HNRNPUL2: variants seen among roughly 807,000 people sequenced by gnomAD.
HNRNPUL2 encodes the protein heterogeneous nuclear ribonucleoprotein U like 2.
A neutral mutation model predicts 102.2 loss-of-function variants in HNRNPUL2; 27 were observed. The ratio of observed to expected loss-of-function variants is 0.26; its 90% CI spans 0.19 to 0.36. HNRNPUL2 has a LOEUF of 0.36. Among genes scored for constraint, HNRNPUL2 ranks in the 10% least tolerant of loss-of-function variants. The probability of loss-of-function intolerance (pLI) is 1.00; values close to 1 mark genes in which losing one functional copy is unlikely to be tolerated. For synonymous variants in HNRNPUL2, 458 were observed against 387.2 expected, an observed-to-expected ratio of 1.18 and a Z score of -2.15; for missense variants, 936 against 981.1, an observed-to-expected ratio of 0.95 and a Z score of 0.61.
chr11:62,722,421 G>T (rs746537734), intron 6 of HNRNPUL2, 41 bp from the exon 7 acceptor site: 3 of 1,594,762 alleles, frequency 1.9e-6, no homozygotes, highest in Non-Finnish European at 2.6e-6. Context: ...GGCTGACGAG[G>T]CTTTGGGTTG....
chr11:62,717,340 T>A (rs1004984445), intron 10 of HNRNPUL2, 151 bp from the exon 11 acceptor site: 1 of 627,244 alleles, frequency 1.6e-6, no homozygotes, highest in African/African-American at 1.8e-5. Flanking sequence ...CGCATCTAAA[T>A]AATGACATTA....
chr11:62,721,990 T>G, intron 7 of HNRNPUL2, 48 bp from the exon 8 acceptor site: 1 of 1,610,908 alleles, frequency 6.2e-7, no homozygotes, highest in Non-Finnish European at 8.5e-7. Flanking sequence ...ATGAGGGTCA[T>G]GTTTATCAAA....
rs989458289 is a variant in HNRNPUL2 at position 62,712,908 on chromosome 11, C to T, written c.*2391G>A. ...ACGTCTGATAAAACACTAAACAAGT[C>T]TTCTAAGGAAAACAAGGCTAGGGAT... On this transcript the variant is annotated 3_prime_UTR_variant, in exon 14 of 14. Coordinates refer to ENST00000301785, the MANE Select transcript of HNRNPUL2 (RefSeq NM_001079559.3). 1 of 152,146 alleles carries T rather than the reference C, an allele frequency of 6.6e-6. No homozygotes were observed. The highest frequency in any genetic ancestry group is 1.5e-5 in the Non-Finnish European group (1 of 68,032). 9.4% of individuals were successfully genotyped at this position (152,146 alleles called of 1,614,324 possible).
chr11:62,723,987 T>C lies in HNRNPUL2; in HGVS notation c.678A>G (p.Ser226=), dbSNP rs559313897. 107 of 1,612,836 alleles carry C rather than the reference T, an allele frequency of 6.6e-5. No individual in the cohort carries two copies. In the South Asian group the frequency reaches 1.1e-3, roughly 16 times the overall value. The change falls in exon 3 of 14, where the codon TCA becomes TCG. Residue 226 remains serine, a synonymous_variant. Coordinates refer to ENST00000301785, the MANE Select transcript of HNRNPUL2 (RefSeq NM_001079559.3). ...CTTCTTCAGGAGGCAGTGGAGACTT[T>C]GAGCTATATATGTAAGATAGAAAAG... ...EFREEAYHSR[S]KSPLPPEEEA... is the part of the protein sequence containing the mutation.
chr11:62,718,863 T>A (rs1341257244), intron 10 of HNRNPUL2, among the ~76,000 whole-genome samples: 1 of 151,882 alleles, frequency 6.6e-6, no homozygotes, highest in Non-Finnish European at 1.5e-5. Flanking sequence ...TCTCACTCTG[T>A]TGTCCAGGCT....
At chr11:62,718,694 TAAAAAAAAA>T (rs11456076) in intron 10 of HNRNPUL2, among the ~76,000 whole-genome samples, 156 of 119,582 alleles carry the variant, frequency 1.3e-3, no homozygotes, top group African/African-American at 4.8e-3. Flanking sequence ...ACTCTGTCTT[TAAAAAAAAA>T]AAAAAAAAAA....
In HNRNPUL2 at chr11:62,723,731, A is replaced by C. The variant is rs774806580; in HGVS notation, c.752-5T>G. 67 of 1,614,002 alleles carry C rather than the reference A, an allele frequency of 4.2e-5. No homozygotes were observed. The highest frequency in any genetic ancestry group is 5.5e-5 in the Non-Finnish European group (65 of 1,180,004). On this transcript the variant is annotated splice_region_variant and splice_polypyrimidine_tract_variant and intron_variant, in intron 3 of 13. Coordinates refer to ENST00000301785, the MANE Select transcript of HNRNPUL2 (RefSeq NM_001079559.3). Reference sequence around the variant, plus strand: ...GAAAATGCAGATCCGAGGTATCTGTAAAGAAAGAAGCAATCAGTTTACTCC... The same window carrying C: ...GAAAATGCAGATCCGAGGTATCTGTCAAGAAAGAAGCAATCAGTTTACTCC...
At position 62,727,206 on chromosome 11, in the gene HNRNPUL2, TCGACCGAGTCCGACCGCGCAGGCGC is replaced by T; in HGVS notation, c.-75_-51del. 1 of 1,323,642 alleles carries T rather than the reference TCGACCGAGTCCGACCGCGCAGGCGC, an allele frequency of 7.6e-7. No homozygotes were observed. The highest frequency in any genetic ancestry group is 9.6e-7 in the Non-Finnish European group (1 of 1,037,914). The allele number at this position is 1,323,642 out of a possible 1,614,324, so 82.0% of individuals were successfully genotyped here. A position where few individuals can be genotyped will look rare whatever the true frequency, so the allele number is the denominator to read the frequency against. ...CCGCCGCCTCCTCCCCTGCGAACCG[TCGACCGAGTCCGACCGCGCAGGCGC>T]CGCCGCCGCCGCCCGCCTCCGCCTC... is the stretch of plus-strand genomic sequence containing the variant. On this transcript the variant is annotated 5_prime_UTR_variant, in exon 1 of 14. Coordinates refer to ENST00000301785, the MANE Select transcript of HNRNPUL2 (RefSeq NM_001079559.3).
chr11:62,722,590 G>T lies in HNRNPUL2; in HGVS notation c.1095+11C>A, dbSNP rs775369061. On this transcript the variant is annotated intron_variant, in intron 6 of 13. Transcript: ENST00000301785. ...TCCTTGTTATAACCCACAACTTTCAGGAGCACTTACAGCAAAGCAGCCAAT... is the reference window on the plus strand; with the variant it reads ...TCCTTGTTATAACCCACAACTTTCATGAGCACTTACAGCAAAGCAGCCAAT... 6.2e-7 allele frequency: 1 copy of T among 1,601,292 alleles called. No individual in the cohort carries two copies. Among genetic ancestry groups the T allele is most frequent in the Non-Finnish European group, 8.6e-7 (1 of 1,168,432 alleles).
At position 62,712,990 on chromosome 11, in the gene HNRNPUL2, A is replaced by G. The variant is rs1385289532; in HGVS notation, c.*2309T>C. 1 of 152,236 alleles carries G rather than the reference A, an allele frequency of 6.6e-6. No homozygotes were observed. The highest frequency in any genetic ancestry group is 1.5e-5 in the Non-Finnish European group (1 of 68,034). The allele number at this position is 152,236 out of a possible 1,614,324, so 9.4% of individuals were successfully genotyped here. On this transcript the variant is annotated 3_prime_UTR_variant, in exon 14 of 14. Coordinates refer to ENST00000301785, the MANE Select transcript of HNRNPUL2 (RefSeq NM_001079559.3). ...CTTAACATAGTTTTTCATAATAAAA[A>G]GACAGAAACAAAACCCGGACATCTA...
At chr11:62,724,235 G>C (rs2083726590) in intron 2 of HNRNPUL2, 56 bp downstream of exon 2, 4 of 1,607,846 alleles carry the variant, frequency 2.5e-6, no homozygotes, top group Middle Eastern at 1.8e-4. Context: ...GTCAATACCA[G>C]GTATACCAAA....
At chr11:62,717,966 T>C (rs1006758292) in intron 10 of HNRNPUL2, among the ~76,000 whole-genome samples, 2 of 152,238 alleles carry the variant, frequency 1.3e-5, no homozygotes, top group Admixed American at 1.3e-4. Flanking sequence ...TTCAGTTCAA[T>C]GGGGCTCTCA....
intron 12 of HNRNPUL2, 54 bp from the exon 13 acceptor site, chr11:62,715,661 C>T: frequency 4.7e-6 from 6 of 1,280,648 alleles, no homozygotes; most frequent in Admixed American, 1.7e-5. Flanking sequence ...GGCAGCATGA[C>T]CCACCGTGAC....
chr11:62,715,643 G>C, intron 12 of HNRNPUL2, 36 bp from the exon 13 acceptor site: 1 of 1,525,738 alleles, frequency 6.6e-7, no homozygotes, highest in Non-Finnish European at 9.1e-7. Flanking sequence ...GAAGGTTTAT[G>C]GGTTTTTGGC....
rs754157500 is a variant in HNRNPUL2, at chr11:62,722,668, G to A, written c.1028C>T (p.Ala343Val). 1 of 1,614,060 alleles carries A rather than the reference G, an allele frequency of 6.2e-7. No homozygotes were observed. The highest frequency in any genetic ancestry group is 8.5e-7 in the Non-Finnish European group (1 of 1,180,000). The change falls in exon 6 of 14, where the codon GCA becomes GTA. Residue 343 changes from alanine to valine, a missense_variant. Around this residue, in one of 2 missense-constraint regions of HNRNPUL2, gnomAD observed 609 missense variants for 713.0 expected, o/e 0.85. Coordinates refer to ENST00000301785, the MANE Select transcript of HNRNPUL2 (RefSeq NM_001079559.3). ...AAATTCCTCAAATTGTCCATTTTCT[G>A]CCTTGAGTCCTCGTCCATCGAAACC... is the stretch of plus-strand genomic sequence containing the variant. ...SYGFDGRGLKAENGQFEEFGQ... is the reference protein window; with the variant it reads ...SYGFDGRGLKVENGQFEEFGQ...
rs760825446 is a variant in HNRNPUL2, at chr11:62,726,774, G to A, written c.383C>T (p.Ser128Phe). ...GGCCGTGGCCTCCGCCGGCTTCTCG[G>A]AAGCATCTGGCTCGGCCGCGGCCTC... Reference protein sequence around the residue: ...AMEAAAEPDASEKPAEATAGS... With the variant: ...AMEAAAEPDAFEKPAEATAGS... The change falls in exon 1 of 14, where the codon TCC (serine) becomes TTC (phenylalanine). Residue 128 changes from serine (S) to phenylalanine (F), a missense_variant. Around this residue, in one of 2 missense-constraint regions of HNRNPUL2, gnomAD observed 327 missense variants for 268.1 expected, o/e 1.22. Transcript: ENST00000301785. 8 of 1,600,914 alleles carry A rather than the reference G, an allele frequency of 5.0e-6. No homozygotes were observed. In the South Asian group the frequency reaches 7.7e-5, roughly 15 times the overall value.
At chr11:62,716,849 A>G in intron 11 of HNRNPUL2, 140 bp downstream of exon 11, 1 of 709,754 alleles carries the variant, frequency 1.4e-6, no homozygotes, top group Admixed American at 2.9e-5. Context: ...AGAACACAGG[A>G]AGAAATAAGC....
chr11:62,724,698 A>T (rs1302613650), intron 1 of HNRNPUL2, among the ~76,000 whole-genome samples: 1 of 152,210 alleles, frequency 6.6e-6, no homozygotes, highest in Non-Finnish European at 1.5e-5. Flanking sequence ...TATCCACTTA[A>T]ATCAGGTCAA....
rs1170690327 is a variant in HNRNPUL2 at position 62,727,368 on chromosome 11, C to T, written c.-212G>A. 36 of 535,810 alleles carry T rather than the reference C, an allele frequency of 6.7e-5. No homozygotes were observed. Among genetic ancestry groups the T allele is most frequent in the Non-Finnish European group, 9.5e-5 (35 of 367,336 alleles). 33.2% of individuals were successfully genotyped at this position (535,810 alleles called of 1,614,324 possible). ...CCTTCGTCTCCCCTCCCCCTTTCGGCTCACGGAGCCCAAAACAACGCAGCA... is the reference window on the plus strand; with the variant it reads ...CCTTCGTCTCCCCTCCCCCTTTCGGTTCACGGAGCCCAAAACAACGCAGCA... On this transcript the variant is annotated 5_prime_UTR_variant, in exon 1 of 14. Transcript: ENST00000301785.
Sources: gnomAD v4.1 joint callset for allele counts (sites outside exome capture counted in the v4.1 genomes callset) on GRCh38, gnomAD v4.1.1 for gene constraint, gnomAD v4.1.1 regional missense constraint, MANE v1.5 for transcripts, NCBI Gene and HGNC (gene_info 2026-07-23, HGNC 2026-07-21) for gene names.